CLEC2A: variants seen among roughly 807,000 people sequenced by gnomAD.
The protein encoded by CLEC2A is keratinocyte-associated C-type lectin.
In CLEC2A, 19 loss-of-function variants were observed where a neutral mutation model predicts 18.6. That is an observed-to-expected ratio of 1.02 (90% CI 0.71 to 1.50). The LOEUF (loss-of-function observed/expected upper bound fraction) is 1.50. Among genes scored for constraint, CLEC2A ranks in the 40% most tolerant of loss-of-function variants. The probability of loss-of-function intolerance (pLI) is 0.00; values close to 1 mark genes in which losing one functional copy is unlikely to be tolerated. For synonymous variants in CLEC2A, 74 were observed against 64.0 expected (o/e 1.16, Z -0.75); for missense variants, 190 against 207.9 (o/e 0.91, Z 0.53).
At chr12:9,881,720 G>T in the CLEC2A span, 1 of 1,211,860 alleles carries the variant, frequency 8.3e-7, no homozygotes, top group Non-Finnish European at 1.2e-6. Flanking sequence ...CTTCTAGGAA[G>T]AGAATTATCT....
At chr12:9,880,701 A>G in the CLEC2A span, among the ~76,000 whole-genome samples, 1 of 152,322 alleles carries the variant, frequency 6.6e-6, no homozygotes, top group African/African-American at 2.4e-5. Flanking sequence ...CTAATGCTGC[A>G]GATAGTCTGA....
At chr12:9,923,061 A>C (rs776337658) in intron 2 of CLEC2A, among the ~76,000 whole-genome samples, 3 of 152,086 alleles carry the variant, frequency 2.0e-5, no homozygotes, top group Admixed American at 1.3e-4. Context: ...TTCTGGGATA[A>C]ATCTGCAGAG....
At chr12:9,893,145 G>T in the CLEC2A span, 1 of 1,532,822 alleles carries the variant, frequency 6.5e-7, no homozygotes, top group Non-Finnish European at 8.7e-7. Flanking sequence ...ACATTTACTG[G>T]TGATTCAAAA....
intron 2 of CLEC2A, among the ~76,000 whole-genome samples, 157 bp downstream of exon 2, chr12:9,926,103 T>C (rs1447873688): frequency 6.6e-6 from 1 of 152,196 alleles, no homozygotes; most frequent in Non-Finnish European, 1.5e-5. Context: ...AGGCAAGGAT[T>C]ATGGTAAAAA....
chr12:9,906,762 T>A (rs1319200555), intron 4 of CLEC2A, among the ~76,000 whole-genome samples: 1 of 152,250 alleles, frequency 6.6e-6, no homozygotes, highest in Non-Finnish European at 1.5e-5. Flanking sequence ...GAGCCATCTA[T>A]AAACAAATAC....
chr12:9,894,944 A>G (rs1862739928), downstream of CLEC2A, among the ~76,000 whole-genome samples: 2 of 152,184 alleles, frequency 1.3e-5, no homozygotes, highest in South Asian at 4.1e-4. Flanking sequence ...TCATTTAAGG[A>G]AAACAACACA....
chr12:9,911,494 A>T (rs1269164908), downstream of CLEC2A, among the ~76,000 whole-genome samples: 1 of 152,214 alleles, frequency 6.6e-6, no homozygotes, highest in Non-Finnish European at 1.5e-5. Context: ...TCAAAACCCC[A>T]AAAGTAGTTT....
At chr12:9,913,714 C>T in intron 4 of CLEC2A, 34 bp from the exon 5 acceptor site, 2 of 1,322,070 alleles carry the variant, frequency 1.5e-6, no homozygotes, top group Non-Finnish European at 2.1e-6. Flanking sequence ...GTCTGGGAAC[C>T]ACTTACGGCT....
At chr12:9,880,455 G>C in the CLEC2A span, among the ~76,000 whole-genome samples, 15 of 152,214 alleles carry the variant, frequency 9.9e-5, no homozygotes, top group South Asian at 3.1e-3. Context: ...ACCTTCCCCA[G>C]ACACTCGGTG....
At chr12:9,886,764 A>C in the CLEC2A span, among the ~76,000 whole-genome samples, 1 of 19,280 alleles carries the variant, frequency 5.2e-5, no homozygotes, top group Non-Finnish European at 1.7e-4. Flanking sequence ...TATATCATGC[A>C]AAAAAAAAAA....
At chr12:9,912,647 G>T (rs1420661895), downstream of CLEC2A, among the ~76,000 whole-genome samples, 1 of 135,394 alleles carries the variant, frequency 7.4e-6, no homozygotes, top group Non-Finnish European at 1.6e-5. Context: ...GTAAATCTGG[G>T]TTTTATTGGG....
intron 3 of CLEC2A, among the ~76,000 whole-genome samples, chr12:9,918,141 T>C (rs1049101014): frequency 1.3e-5 from 2 of 152,152 alleles, no homozygotes; most frequent in African/African-American, 2.4e-5. Context: ...TTTTTTACTA[T>C]TGCTTTTGTT....
intron 3 of CLEC2A, among the ~76,000 whole-genome samples, chr12:9,918,499 T>C (rs1275341575): frequency 6.6e-6 from 1 of 152,252 alleles, no homozygotes; most frequent in East Asian, 1.9e-4. Flanking sequence ...TTGGTTACTG[T>C]AGCCCTGTAG....
the CLEC2A span, among the ~76,000 whole-genome samples, chr12:9,882,463 A>G: frequency 1.3e-5 from 2 of 152,140 alleles, no homozygotes; most frequent in Admixed American, 1.3e-4. Flanking sequence ...TGCAGCAAAA[A>G]CTAGTACCAT....
chr12:9,895,823 G>A, downstream of CLEC2A: 1 of 1,532,180 alleles, frequency 6.5e-7, no homozygotes, highest in East Asian at 2.5e-5. Flanking sequence ...AATGGAACCA[G>A]TGGTGTGTAA....
At chr12:9,927,281 G>A (rs112177265) in intron 1 of CLEC2A, among the ~76,000 whole-genome samples, 211 of 152,158 alleles carry the variant, frequency 1.4e-3, no homozygotes, top group African/African-American at 4.6e-3. Flanking sequence ...AAATGCTTGC[G>A]TCTAAACATA....
the CLEC2A span, among the ~76,000 whole-genome samples, chr12:9,889,327 T>C: frequency 1.7e-4 from 26 of 152,220 alleles, no homozygotes; most frequent in Non-Finnish European, 8.8e-5. Flanking sequence ...CCTAGGCAGT[T>C]TGTCAAATAC....
exon 5 of CLEC2A, chr12:9,898,950 T>C (rs369596077): frequency 2.9e-5 from 21 of 716,012 alleles, no homozygotes; most frequent in Non-Finnish European, 5.2e-5. Flanking sequence ...GAGGCTCCAG[T>C]TGCAAGACCA....
At chr12:9,888,054 C>CAAAAAA in the CLEC2A span, among the ~76,000 whole-genome samples, 1 of 65,526 alleles carries the variant, frequency 1.5e-5, no homozygotes, top group Non-Finnish European at 2.6e-5. Flanking sequence ...GACCCTGTGT[C>CAAAAAA]AAAAAAAAAA....
Sources: gnomAD v4.1 joint callset for allele counts (sites outside exome capture counted in the v4.1 genomes callset) on GRCh38, gnomAD v4.1.1 for gene constraint, MANE v1.5 for transcripts, NCBI Gene and HGNC (gene_info 2026-07-23, HGNC 2026-07-21) for gene names.